LEMD1: variants seen among roughly 807,000 people sequenced by gnomAD.
LEMD1 encodes LEM domain containing 1.
Under a neutral mutation model 17.4 loss-of-function variants are expected in LEMD1, and 18 were observed. The ratio of observed to expected loss-of-function variants is 1.04; its 90% CI spans 0.72 to 1.54. The LOEUF (loss-of-function observed/expected upper bound fraction) is 1.54. LEMD1 is among the 40% of genes most tolerant of loss of function. The pLI is 0.00. For missense variants in LEMD1, 195 were observed against 210.4 expected (o/e 0.93, Z 0.45); for synonymous variants, 88 against 77.8 (o/e 1.13, Z -0.69).
chr1:205,440,187 C>T (rs774185060), intron 1 of LEMD1, among the ~76,000 whole-genome samples: 1 of 152,138 alleles, frequency 6.6e-6, no homozygotes, highest in Non-Finnish European at 1.5e-5. Context: ...GGAGTCAGGG[C>T]CTGGGGAACA....
chr1:205,414,560 G>A (rs1172739726), intron 4 of LEMD1, among the ~76,000 whole-genome samples: 1 of 152,084 alleles, frequency 6.6e-6, no homozygotes, highest in Non-Finnish European at 1.5e-5. Context: ...AAGTAGCTGG[G>A]ATCACAGGTG....
At chr1:205,410,698 G>T (rs551534082) in intron 4 of LEMD1, among the ~76,000 whole-genome samples, 1 of 152,144 alleles carries the variant, frequency 6.6e-6, no homozygotes, top group East Asian at 1.9e-4. Context: ...CAGGGGTGGG[G>T]TGGAGACTGA....
chr1:205,432,828 G>C (rs1203563895), intron 1 of LEMD1, among the ~76,000 whole-genome samples: 2 of 152,088 alleles, frequency 1.3e-5, no homozygotes, highest in Non-Finnish European at 2.9e-5. Context: ...GGGCAACATA[G>C]TAAGACCCTG....
chr1:205,414,380 C>T (rs575086646), intron 4 of LEMD1, among the ~76,000 whole-genome samples: 87 of 150,612 alleles, frequency 5.8e-4, no homozygotes, highest in Non-Finnish European at 9.6e-4. Context: ...GCCAAGAGTT[C>T]GAGACCAGCC....
At chr1:205,400,286 G>A (rs1378528125) in intron 4 of LEMD1, among the ~76,000 whole-genome samples, 2 of 152,142 alleles carry the variant, frequency 1.3e-5, no homozygotes, top group East Asian at 3.9e-4. Context: ...TTGAACTCCT[G>A]AGCTCAAGCA....
intron 3 of LEMD1, among the ~76,000 whole-genome samples, chr1:205,417,079 C>T (rs1665727817): frequency 1.3e-5 from 2 of 152,302 alleles, no homozygotes; most frequent in African/African-American, 4.8e-5. Flanking sequence ...CATTACAACT[C>T]CTCCACTCTA....
At chr1:205,389,002 T>G (rs1396361219) in intron 4 of LEMD1, among the ~76,000 whole-genome samples, 3 of 151,512 alleles carry the variant, frequency 2.0e-5, no homozygotes, top group Non-Finnish European at 4.4e-5. Context: ...TCATTTTGTA[T>G]TCTCATTAAA....
At chr1:205,424,802 C>T (rs1328468491), upstream of LEMD1, among the ~76,000 whole-genome samples, 2 of 152,152 alleles carry the variant, frequency 1.3e-5, no homozygotes, top group African/African-American at 4.8e-5. Context: ...ACACTAAGGG[C>T]TCTGCCTTCA....
intron 4 of LEMD1, among the ~76,000 whole-genome samples, chr1:205,413,444 A>T (rs74789973): frequency 0.22 from 33,919 of 151,714 alleles, 4,230 homozygotes; most frequent in East Asian, 0.45. Context: ...GCGCATCACC[A>T]TGTACAGTTA....
chr1:205,432,328 C>G (rs1435915614), intron 1 of LEMD1, among the ~76,000 whole-genome samples: 1 of 152,220 alleles, frequency 6.6e-6, no homozygotes, highest in African/African-American at 2.4e-5. Context: ...GGTCTCCCAC[C>G]GGCTTGGGCC....
At chr1:205,395,131 C>A (rs959266008) in intron 4 of LEMD1, among the ~76,000 whole-genome samples, 1 of 151,464 alleles carries the variant, frequency 6.6e-6, no homozygotes, top group East Asian at 1.9e-4. Context: ...GGGCAGAGGT[C>A]AAAAAAACAT....
At chr1:205,428,384 G>T (rs1397796022) in intron 1 of LEMD1, among the ~76,000 whole-genome samples, 1 of 152,158 alleles carries the variant, frequency 6.6e-6, no homozygotes. Flanking sequence ...ATATCGTTAG[G>T]TTGCAGCAAA....
chr1:205,384,242 G>A, intron 5 of LEMD1, 46 bp downstream of exon 5: 1 of 1,164,118 alleles, frequency 8.6e-7, no homozygotes, highest in Non-Finnish European at 1.2e-6. Context: ...CAGAGCTACA[G>A]AATACAATAA....
At chr1:205,421,937 A>G (rs1558737306) in intron 1 of LEMD1, 53 bp downstream of exon 1, 1 of 152,220 alleles carries the variant, frequency 6.6e-6, no homozygotes, top group Non-Finnish European at 1.5e-5. Flanking sequence ...GGGAACACAC[A>G]TATGGAAGAA....
At position 205,420,440 on chromosome 1, in the gene LEMD1, G is replaced by A. The variant is rs1157416841; in HGVS notation, c.82+15C>T. The A allele has an allele frequency of 2.5e-6, 4 of 1,595,346 alleles. No individual in the cohort carries two copies. In the South Asian group the frequency reaches 4.4e-5, roughly 18 times the overall value. On this transcript the variant is annotated intron_variant, in intron 2 of 5. Transcript: ENST00000367153. The stretch of plus-strand genomic sequence containing the variant: ...AAATGACAAGTCTGTAATATTTGCT[G>A]CATACTGTACATACGTAGTATTGGG...
At chr1:205,382,595 T>C (rs1448867804) in intron 5 of LEMD1, among the ~76,000 whole-genome samples, 3 of 152,118 alleles carry the variant, frequency 2.0e-5, no homozygotes, top group Non-Finnish European at 4.4e-5. Context: ...AACAGCGTAT[T>C]GGGGGATATG....
intron 4 of LEMD1, among the ~76,000 whole-genome samples, chr1:205,401,193 G>A (rs1664834571): frequency 6.6e-6 from 1 of 151,594 alleles, no homozygotes; most frequent in African/African-American, 2.4e-5. Context: ...ATGATTTATA[G>A]TCCTTTGGGT....
At chr1:205,418,521 TCA>T (rs2102434887) in intron 3 of LEMD1, among the ~76,000 whole-genome samples, 1 of 152,244 alleles carries the variant, frequency 6.6e-6, no homozygotes, top group African/African-American at 2.4e-5. Context: ...ATAATCTGGT[TCA>T]TCTTTTTTTT....
chr1:205,381,806 TTGG>T lies in LEMD1; in HGVS notation c.395_397del (p.Thr132del), dbSNP rs1663711796. 1 of 1,614,014 alleles carries T rather than the reference TTGG, an allele frequency of 6.2e-7. No individual in the cohort carries two copies. The highest frequency in any genetic ancestry group is 8.5e-7 in the Non-Finnish European group (1 of 1,180,032). The stretch of plus-strand genomic sequence containing the variant: ...GTCTTCCGCGCAGTAGTCTCTCTCT[TTGG>T]TGATAGTCCCATATGTGATTCTGGT... On this transcript the variant is annotated inframe_deletion, in exon 6 of 6. Coordinates refer to ENST00000367153, the MANE Select transcript of LEMD1 (RefSeq NM_001199050.2).
Sources: gnomAD v4.1 joint callset for allele counts (sites outside exome capture counted in the v4.1 genomes callset) on GRCh38, gnomAD v4.1.1 for gene constraint, MANE v1.5 for transcripts, NCBI Gene and HGNC (gene_info 2026-07-23, HGNC 2026-07-21) for gene names.